The following TIAL1 variants were observed in gnomAD, a reference collection of about 807,000 sequenced individuals.
TIAL1 encodes the protein nucleolysin TIAR.
TIAL1 carries 7 observed loss-of-function variants against 59.7 expected under a neutral mutation model. The observed-to-expected ratio is 0.12, with a 90% CI of 0.07 to 0.22. The LOEUF (loss-of-function observed/expected upper bound fraction) is 0.22, where lower values mean the gene tolerates loss of function less well. Among genes scored for constraint, TIAL1 ranks in the 10% least tolerant of loss-of-function variants. The probability of loss-of-function intolerance (pLI) is 1.00; values close to 1 mark genes in which losing one functional copy is unlikely to be tolerated. For synonymous variants in TIAL1, 149 were observed against 146.3 expected, an observed-to-expected ratio of 1.02 and a Z score of -0.13; for missense variants, 225 against 462.5, an observed-to-expected ratio of 0.49 and a Z score of 4.71.
intron 11 of TIAL1, 91 bp downstream of exon 11, chr10:119,576,520 T>TTG: frequency 6.7e-7 from 1 of 1,497,052 alleles, no homozygotes; most frequent in Non-Finnish European, 9.0e-7. Context: ...TCAATGTATA[T>TTG]AATTAAAATA....
At chr10:119,592,452 A>AAAAGTG (rs1481957988) in intron 1 of TIAL1, among the ~76,000 whole-genome samples, 1 of 152,242 alleles carries the variant, frequency 6.6e-6, no homozygotes, top group Non-Finnish European at 1.5e-5. Flanking sequence ...AGTTAAGAAT[A>AAAAGTG]TCATGCCTTT....
In TIAL1 at chr10:119,574,462, A is replaced by G. The variant is rs1027213474; in HGVS notation, c.*1203T>C. 1 of 152,450 alleles carries G rather than the reference A, an allele frequency of 6.6e-6. No homozygotes were observed. The highest frequency in any genetic ancestry group is 1.5e-5 in the Non-Finnish European group (1 of 67,992). 9.4% of individuals were successfully genotyped at this position (152,450 alleles called of 1,614,324 possible). Reference sequence around the variant, plus strand: ...TGTTAAAAAAATTCTTGGGCAAAATATATCTTAATTTTTAAAAACACCCCA... The same window carrying G: ...TGTTAAAAAAATTCTTGGGCAAAATGTATCTTAATTTTTAAAAACACCCCA... On this transcript the variant is annotated 3_prime_UTR_variant, in exon 12 of 12. Coordinates refer to ENST00000436547, the MANE Select transcript of TIAL1 (RefSeq NM_003252.4).
At chr10:119,577,421 G>A (rs180688828) in intron 9 of TIAL1, 30 bp downstream of exon 9, 946 of 1,569,892 alleles carry the variant, frequency 6.0e-4, no homozygotes, top group Non-Finnish European at 7.9e-4. Flanking sequence ...AAATATAAGA[G>A]TAATAATGAT....
intron 11 of TIAL1, 98 bp from the exon 12 acceptor site, chr10:119,575,889 A>C (rs1476488642): frequency 7.8e-7 from 1 of 1,276,486 alleles, no homozygotes; most frequent in Non-Finnish European, 1.0e-6. Flanking sequence ...ACAGAATAGA[A>C]AACCAGAAAT....
At chr10:119,594,525 T>C (rs1230606876) in intron 1 of TIAL1, among the ~76,000 whole-genome samples, 1 of 152,224 alleles carries the variant, frequency 6.6e-6, no homozygotes, top group Non-Finnish European at 1.5e-5. Flanking sequence ...GTTAAATACA[T>C]GTTAGCTAGT....
intron 5 of TIAL1, chr10:119,581,657 T>A (rs1482646709): frequency 3.4e-6 from 1 of 293,658 alleles, no homozygotes; most frequent in African/African-American, 2.2e-5. Flanking sequence ...AAACATCTGC[T>A]TCAAAGATAA....
intron 1 of TIAL1, among the ~76,000 whole-genome samples, chr10:119,589,052 A>G (rs1206399875): frequency 6.6e-6 from 1 of 152,362 alleles, no homozygotes; most frequent in East Asian, 1.9e-4. Context: ...GAACAGAATT[A>G]AAGTTATAGT....
chr10:119,596,028 C>G (rs1371999721), intron 1 of TIAL1, among the ~76,000 whole-genome samples: 1 of 151,600 alleles, frequency 6.6e-6, no homozygotes, highest in African/African-American at 2.4e-5. Context: ...CGGGGCCCAC[C>G]CCCGGGCCCA....
intron 2 of TIAL1, among the ~76,000 whole-genome samples, chr10:119,583,349 T>A (rs1845387760): frequency 6.6e-6 from 1 of 152,162 alleles, no homozygotes; most frequent in South Asian, 2.1e-4. Flanking sequence ...CTATATTAAA[T>A]ATATTCTGCA....
intron 1 of TIAL1, 45 bp from the exon 2 acceptor site, chr10:119,588,293 C>T: frequency 2.5e-6 from 3 of 1,209,826 alleles, no homozygotes; most frequent in Non-Finnish European, 2.4e-6. Flanking sequence ...TCCTTTAGCT[C>T]TGGCTCTAAT....
At chr10:119,592,470 CTAA>C (rs1845930777) in intron 1 of TIAL1, among the ~76,000 whole-genome samples, 2 of 152,180 alleles carry the variant, frequency 1.3e-5, no homozygotes, top group Admixed American at 1.3e-4. Flanking sequence ...TTTCAGAAGA[CTAA>C]TGACACTTTT....
chr10:119,579,795 T>A, intron 6 of TIAL1, 140 bp downstream of exon 6: 2 of 579,340 alleles, frequency 3.5e-6, no homozygotes, highest in South Asian at 5.7e-5. Context: ...TATACTCTAT[T>A]ATTAAAACAT....
chr10:119,580,418 T>C (rs932688564), intron 5 of TIAL1: 2 of 768,910 alleles, frequency 2.6e-6, no homozygotes, highest in Non-Finnish European at 3.2e-6. Flanking sequence ...ACAAAATATA[T>C]GAAATATTAA....
chr10:119,590,523 A>G (rs1845795469), intron 1 of TIAL1, among the ~76,000 whole-genome samples: 1 of 152,048 alleles, frequency 6.6e-6, no homozygotes, highest in Non-Finnish European at 1.5e-5. Context: ...CAGCCTGACC[A>G]ACATGGTGAA....
chr10:119,582,056 T>TA lies in TIAL1; in HGVS notation c.284-48dup. The TA allele has an allele frequency of 1.2e-6, 2 of 1,606,696 alleles. No homozygotes were observed. The highest frequency in any genetic ancestry group is 1.7e-6 in the Non-Finnish European group (2 of 1,174,070). On this transcript the variant is annotated intron_variant, in intron 4 of 11. Coordinates refer to ENST00000436547, the MANE Select transcript of TIAL1 (RefSeq NM_003252.4). This position sits in a 1 kb window ranked among gnomAD's most constrained non-coding sequence, Gnocchi z 5.1. ...ATCAAATACTTAAGAAGTCAGCCAC[T>TA]AAAACCTTTTTAAGGCAACTCTAGA...
intron 2 of TIAL1, among the ~76,000 whole-genome samples, chr10:119,586,008 T>G (rs1305259144): frequency 6.6e-6 from 1 of 152,214 alleles, no homozygotes; most frequent in Non-Finnish European, 1.5e-5. Flanking sequence ...CCTCACGGCC[T>G]CTGTGCTCTT....
At chr10:119,585,604 T>C (rs1342673479) in intron 2 of TIAL1, among the ~76,000 whole-genome samples, 1 of 152,220 alleles carries the variant, frequency 6.6e-6, no homozygotes, top group Non-Finnish European at 1.5e-5. Flanking sequence ...AAAATTCATT[T>C]CGAGTCCCTC....
chr10:119,593,364 T>G, intron 1 of TIAL1: 1 of 530,406 alleles, frequency 1.9e-6, no homozygotes, highest in Non-Finnish European at 2.4e-6. Flanking sequence ...AATAGAAATT[T>G]AGGCTCAACA....
chr10:119,590,362 G>A (rs1845787176), intron 1 of TIAL1, among the ~76,000 whole-genome samples: 1 of 152,306 alleles, frequency 6.6e-6, no homozygotes, highest in South Asian at 2.1e-4. Context: ...AGGGGTTTGT[G>A]AGCCTGTATC....
Sources: allele counts gnomAD v4.1 joint callset (sites outside exome capture counted in the v4.1 genomes callset), GRCh38; gene constraint gnomAD v4.1.1; non-coding constraint Gnocchi (gnomAD v3.1); transcripts MANE v1.5; gene names NCBI Gene and HGNC (gene_info 2026-07-23, HGNC 2026-07-21).